CATSPERD: variants seen among roughly 807,000 people sequenced by gnomAD.
CATSPERD encodes cation channel sperm-associated auxiliary subunit delta.
CATSPERD carries 86 observed loss-of-function variants against 98.1 expected under a neutral mutation model. The observed-to-expected ratio is 0.88, with a 90% confidence interval of 0.74 to 1.05. The LOEUF (loss-of-function observed/expected upper bound fraction) is 1.05, where lower values mean the gene tolerates loss of function less well. Among genes scored for constraint, CATSPERD ranks in the 50% least tolerant of loss-of-function variants. The pLI, the probability that CATSPERD is intolerant of heterozygous loss-of-function variation, is 0.00. For synonymous variants in CATSPERD, 394 were observed against 390.2 expected (o/e 1.01, Z -0.12); for missense variants, 995 against 1,005.7 (o/e 0.99, Z 0.14).
At chr19:5,764,055 G>C (rs2056494016) in intron 16 of CATSPERD, among the ~76,000 whole-genome samples, 1 of 151,336 alleles carries the variant, frequency 6.6e-6, no homozygotes, top group African/African-American at 2.4e-5. Context: ...TACCATGTTG[G>C]CCAGGCTGGT....
At chr19:5,752,615 C>G (rs2056242054) in intron 12 of CATSPERD, among the ~76,000 whole-genome samples, 1 of 152,186 alleles carries the variant, frequency 6.6e-6, no homozygotes, top group Non-Finnish European at 1.5e-5. Context: ...AAGCATCAAT[C>G]CAGCTGCAAA....
rs780105949 is a variant in CATSPERD, at chr19:5,759,147, A to T, written c.1427+3A>T. On this transcript the variant is annotated splice_donor_region_variant and intron_variant, in intron 15 of 21. Coordinates refer to ENST00000381624, the MANE Select transcript of CATSPERD (RefSeq NM_152784.4). ...ACCGACTCCAACTTCACTTCCAGGT[A>T]TGTTGTCTCCTGGGAGAGGCGGGGA... 1.2e-6 allele frequency: 2 copies of T among 1,613,598 alleles called. No homozygotes were observed. The highest frequency in any genetic ancestry group is 1.1e-5 in the South Asian group (1 of 91,088).
At chr19:5,741,785 C>CCGGGGGGGGGGGG (rs939602468) in intron 7 of CATSPERD, among the ~76,000 whole-genome samples, 1 of 6,100 alleles carries the variant, frequency 1.6e-4, no homozygotes, top group Non-Finnish European at 4.8e-4. Context: ...ATGCTGAAGG[C>CCGGGGGGGGGGGG]GGGGGGGGGG....
At chr19:5,727,854 T>G (rs957190636) in intron 3 of CATSPERD, among the ~76,000 whole-genome samples, 1 of 151,928 alleles carries the variant, frequency 6.6e-6, no homozygotes, top group Non-Finnish European at 1.5e-5. Flanking sequence ...TGGGGCTGCA[T>G]GACTCCTGTT....
At chr19:5,769,573 G>A (rs1004856058) in intron 18 of CATSPERD, among the ~76,000 whole-genome samples, 5 of 152,038 alleles carry the variant, frequency 3.3e-5, no homozygotes, top group East Asian at 1.9e-4. Flanking sequence ...TCCTTGCCAC[G>A]CGAGTGCACA....
chr19:5,746,038 C>G lies in CATSPERD; in HGVS notation c.783C>G (p.Asn261Lys). The change falls in exon 9 of 22, where the codon AAC becomes AAG. Residue 261 changes from asparagine (N) to lysine (K), a missense_variant. Coordinates refer to ENST00000381624, the MANE Select transcript of CATSPERD (RefSeq NM_152784.4). ...GCATCCTGCTCCTATGGTTTGAGAA[C>G]AGCCTGTTGTTTTCCCATAATGCAG... ...QRGILLLWFE[N>K]SLLFSHNAGQ... 2 of 1,614,098 alleles carry G rather than the reference C, an allele frequency of 1.2e-6. No individual in the cohort carries two copies. Among genetic ancestry groups the G allele is most frequent in the South Asian group, 2.2e-5 (2 of 91,068 alleles).
At chr19:5,721,541 G>A (rs2055477631) in intron 1 of CATSPERD, among the ~76,000 whole-genome samples, 3 of 152,232 alleles carry the variant, frequency 2.0e-5, no homozygotes, top group Non-Finnish European at 4.4e-5. Flanking sequence ...CCTGCCCTCA[G>A]GGAACTCCCA....
chr19:5,724,824 A>T lies in CATSPERD; in HGVS notation c.88A>T (p.Thr30Ser). 6.2e-7 allele frequency: 1 copy of T among 1,614,100 alleles called. No individual in the cohort carries two copies. The highest frequency in any genetic ancestry group is 8.5e-7 in the Non-Finnish European group (1 of 1,179,954). Reference protein sequence around the residue: ...AQLCRSRTVRTGKVFNLIQDV... With the variant: ...AQLCRSRTVRSGKVFNLIQDV... ...CACTTCTAGTTCTCGCACAGTGAGGACAGGAAAAGTGTTTAATCTGATACA... is the reference window on the plus strand; with the variant it reads ...CACTTCTAGTTCTCGCACAGTGAGGTCAGGAAAAGTGTTTAATCTGATACA... Residue 30 changes from threonine to serine, a missense_variant, in exon 2 of 22, where the codon ACA (threonine) becomes TCA (serine). Physicochemically the swap from Thr to Ser is moderately conservative, Grantham distance 58. Around this residue, in one of 3 missense-constraint regions of CATSPERD, gnomAD observed 228 missense variants for 209.6 expected, o/e 1.09. Coordinates refer to ENST00000381624, the MANE Select transcript of CATSPERD (RefSeq NM_152784.4).
chr19:5,725,441 G>A (rs183281724), intron 2 of CATSPERD, among the ~76,000 whole-genome samples: 21 of 152,040 alleles, frequency 1.4e-4, no homozygotes, highest in Admixed American at 9.8e-4. Flanking sequence ...GTTCACCACC[G>A]TGCCCAGCCT....
At chr19:5,756,284 G>GAA (rs35567913) in intron 13 of CATSPERD, among the ~76,000 whole-genome samples, 48 of 145,282 alleles carry the variant, frequency 3.3e-4, no homozygotes, top group South Asian at 8.5e-4. Context: ...CCCTCTCAAA[G>GAA]AAAAAAAAAA....
intron 19 of CATSPERD, among the ~76,000 whole-genome samples, 169 bp from the exon 20 acceptor site, chr19:5,772,619 C>G (rs560103615): frequency 4.6e-5 from 7 of 152,062 alleles, no homozygotes; most frequent in African/African-American, 1.7e-4. Flanking sequence ...CTGGCCTCCC[C>G]GCAGCCCACA....
chr19:5,729,631 T>G (rs1284719224), intron 3 of CATSPERD, among the ~76,000 whole-genome samples: 1 of 152,236 alleles, frequency 6.6e-6, no homozygotes, highest in Non-Finnish European at 1.5e-5. Context: ...ATCCTGCCAC[T>G]CAATGTACAT....
Position 5,762,422 on chromosome 19 carries a change from A to G in CATSPERD, c.1428-793A>G, listed in dbSNP as rs575939588. On this transcript the variant is annotated intron_variant, in intron 15 of 21. Coordinates refer to ENST00000381624, the MANE Select transcript of CATSPERD (RefSeq NM_152784.4). ...ATTCACTCACTATCACAAGAACACC[A>G]AGGGGGAAACTGCCACCATGATCCA... Among the ~76,000 whole-genome samples, 8 of 152,160 alleles carry G rather than the reference A, an allele frequency of 5.3e-5. No homozygotes were observed. The South Asian group carries it at 1.7e-3, about 32-fold the overall frequency.
At chr19:5,745,511 C>T (rs374900034) in intron 8 of CATSPERD, among the ~76,000 whole-genome samples, 1 of 152,024 alleles carries the variant, frequency 6.6e-6, no homozygotes, top group South Asian at 2.1e-4. Context: ...ATCACAGCTA[C>T]TTGGGAGGCT....
At position 5,731,720 on chromosome 19, in the gene CATSPERD, C is replaced by T. The variant is rs568379299; in HGVS notation, c.276+1776C>T. ...CCTCCCGAGTAGCTGGGACTACAGG[C>T]GCCCGCCACCGCGCCCGGCTAATTT... is the stretch of plus-strand genomic sequence containing the variant. On this transcript the variant is annotated intron_variant, in intron 4 of 21. Coordinates refer to ENST00000381624, the MANE Select transcript of CATSPERD (RefSeq NM_152784.4). 9.3e-5 allele frequency among the ~76,000 whole-genome samples: 14 copies of T among 150,258 alleles called. No homozygotes were observed. In the South Asian group the frequency reaches 1.3e-3, roughly 14 times the overall value.
intron 7 of CATSPERD, among the ~76,000 whole-genome samples, chr19:5,740,276 T>C (rs1568348665): frequency 7.9e-6 from 1 of 126,434 alleles, no homozygotes; most frequent in Non-Finnish European, 1.7e-5. Context: ...AGCAAAACAG[T>C]GTCTCAAAAA....
chr19:5,720,884 C>A, intron 1 of CATSPERD, 76 bp downstream of exon 1: 2 of 1,246,890 alleles, frequency 1.6e-6, no homozygotes, highest in South Asian at 1.3e-5. Context: ...GGAGCCGAGG[C>A]CTGCTCCCCA....
intron 2 of CATSPERD, 50 bp from the exon 3 acceptor site, chr19:5,727,218 A>C: frequency 7.3e-7 from 1 of 1,374,142 alleles, no homozygotes; most frequent in Non-Finnish European, 1.0e-6. Flanking sequence ...TATTTCTATC[A>C]GCTGTTTATG....
chr19:5,740,596 TAAATA>T (rs902945079), intron 7 of CATSPERD, among the ~76,000 whole-genome samples: 5 of 145,838 alleles, frequency 3.4e-5, no homozygotes, highest in Admixed American at 6.9e-5. Context: ...TCAAAATAAA[TAAATA>T]AAATAAAATA....
Sources: allele counts gnomAD v4.1 joint callset (sites outside exome capture counted in the v4.1 genomes callset), GRCh38; gene constraint gnomAD v4.1.1; regional missense constraint gnomAD v4.1.1; transcripts MANE v1.5; gene names NCBI Gene and HGNC (gene_info 2026-07-23, HGNC 2026-07-21).